The following CCSER1 variants were observed in gnomAD, a reference collection of about 807,000 sequenced individuals.
CCSER1 encodes the protein serine-rich coiled-coil domain-containing protein 1.
Under a neutral mutation model 82.0 loss-of-function variants are expected in CCSER1, and 41 were observed. The ratio of observed to expected loss-of-function variants is 0.50; its 90% CI spans 0.39 to 0.65. The LOEUF is 0.65. Ranked by LOEUF, CCSER1 falls within the 30% of genes least tolerant of loss-of-function variation. The pLI is 0.00. For missense variants in CCSER1, 1,119 were observed against 1,064.2 expected (o/e 1.05, Z -0.72); for synonymous variants, 414 against 383.9 (o/e 1.08, Z -0.92).
chr4:90,983,441 C>T (rs957466466), intron 9 of CCSER1, among the ~76,000 whole-genome samples: 1 of 151,566 alleles, frequency 6.6e-6, no homozygotes, highest in Admixed American at 6.6e-5. Flanking sequence ...TATGTGACCT[C>T]CAGGGCATCT....
intron 6 of CCSER1, among the ~76,000 whole-genome samples, chr4:90,651,549 G>A (rs893023648): frequency 6.6e-6 from 1 of 152,146 alleles, no homozygotes; most frequent in South Asian, 2.1e-4. Flanking sequence ...GGTGGTGGGG[G>A]ATAGGGGAGG....
At chr4:90,149,506 A>G (rs1726412954) in intron 1 of CCSER1, among the ~76,000 whole-genome samples, 3 of 152,176 alleles carry the variant, frequency 2.0e-5, no homozygotes, top group African/African-American at 7.2e-5. Flanking sequence ...TACTCAAATC[A>G]GGTGGACTAG....
At chr4:91,232,141 A>T (rs1316010802) in intron 10 of CCSER1, among the ~76,000 whole-genome samples, 1 of 151,884 alleles carries the variant, frequency 6.6e-6, no homozygotes, top group Non-Finnish European at 1.5e-5. Flanking sequence ...AAATTGCTAC[A>T]ACTTATACAG....
intron 10 of CCSER1, among the ~76,000 whole-genome samples, chr4:91,097,963 GC>G (rs779389953): frequency 6.6e-6 from 1 of 152,036 alleles, no homozygotes; most frequent in Non-Finnish European, 1.5e-5. Context: ...CATTTTCTTT[GC>G]TGAAAACCAT....
intron 5 of CCSER1, among the ~76,000 whole-genome samples, chr4:90,525,108 ATCATT>A (rs1332038684): frequency 6.6e-6 from 1 of 152,060 alleles, no homozygotes. Flanking sequence ...GATAGAATAA[ATCATT>A]TTTTTTAAAA....
intron 10 of CCSER1, among the ~76,000 whole-genome samples, chr4:91,117,077 C>A (rs988296548): frequency 3.9e-5 from 6 of 152,154 alleles, no homozygotes; most frequent in African/African-American, 1.4e-4. Context: ...CACCTAATGG[C>A]AGAATGTTTT....
At chr4:90,156,524 C>T (rs779867218) in intron 1 of CCSER1, among the ~76,000 whole-genome samples, 6 of 152,098 alleles carry the variant, frequency 3.9e-5, no homozygotes, top group Non-Finnish European at 7.4e-5. Flanking sequence ...CTTTGTAGGT[C>T]ACTGAGGACT....
intron 6 of CCSER1, among the ~76,000 whole-genome samples, chr4:90,675,528 A>G (rs181299839): frequency 1.4e-3 from 211 of 151,966 alleles, no homozygotes; most frequent in African/African-American, 4.6e-3. Context: ...ATGTTAGTGT[A>G]TATCTTATGG....
chr4:91,421,097 T>A (rs1438661202), intron 10 of CCSER1, among the ~76,000 whole-genome samples: 3 of 152,160 alleles, frequency 2.0e-5, no homozygotes, highest in Non-Finnish European at 4.4e-5. Flanking sequence ...AAACTGTCAA[T>A]TATTAGATGA....
At chr4:91,528,621 A>G (rs546107957) in intron 10 of CCSER1, among the ~76,000 whole-genome samples, 33 of 152,316 alleles carry the variant, frequency 2.2e-4, no homozygotes, top group African/African-American at 7.9e-4. Flanking sequence ...TAATGAGCAC[A>G]TATTAGAGAC....
chr4:90,166,757 AAG>A (rs1360006701), intron 1 of CCSER1, among the ~76,000 whole-genome samples: 4 of 152,002 alleles, frequency 2.6e-5, no homozygotes, highest in East Asian at 3.9e-4. Flanking sequence ...CAAATGTTAA[AAG>A]AGTTTCAAAT....
chr4:91,282,426 T>C (rs1475216295), intron 10 of CCSER1, among the ~76,000 whole-genome samples: 1 of 152,198 alleles, frequency 6.6e-6, no homozygotes, highest in Non-Finnish European at 1.5e-5. Flanking sequence ...CAACCTACAC[T>C]TGGGTCTGTA....
chr4:90,483,565 C>G (rs1185337438), intron 5 of CCSER1, among the ~76,000 whole-genome samples: 1 of 152,132 alleles, frequency 6.6e-6, no homozygotes, highest in African/African-American at 2.4e-5. Flanking sequence ...CAGGGCAGGC[C>G]TGGTGGTGAC....
intron 8 of CCSER1, among the ~76,000 whole-genome samples, chr4:90,879,568 G>C (rs1442940006): frequency 4.2e-5 from 5 of 119,010 alleles, no homozygotes; most frequent in African/African-American, 1.6e-4. Flanking sequence ...AGAAGAAGAA[G>C]AGGAAGAAGA....
intron 10 of CCSER1, among the ~76,000 whole-genome samples, chr4:91,351,566 C>T (rs1195306562): frequency 7.9e-5 from 12 of 151,832 alleles, no homozygotes; most frequent in East Asian, 5.8e-4. Flanking sequence ...TATACTGGGA[C>T]GAGAGTTATG....
chr4:90,168,813 C>G (rs1307612302), intron 1 of CCSER1, among the ~76,000 whole-genome samples: 1 of 130,374 alleles, frequency 7.7e-6, no homozygotes, highest in Non-Finnish European at 1.5e-5. Flanking sequence ...TCTGAGGGCT[C>G]CATTCTGTTG....
intron 4 of CCSER1, among the ~76,000 whole-genome samples, chr4:90,439,266 T>A (rs4692952): frequency 6.6e-6 from 1 of 152,136 alleles, no homozygotes; most frequent in African/African-American, 2.4e-5. Flanking sequence ...CTAGCCCGTG[T>A]GACAGAGCAA....
chr4:90,784,897 A>G (rs567842922), intron 7 of CCSER1, among the ~76,000 whole-genome samples: 9 of 152,326 alleles, frequency 5.9e-5, no homozygotes, highest in South Asian at 4.1e-4. Context: ...GAAAATATAT[A>G]CTATTCATTA....
chr4:91,142,742 T>C (rs1400961282), intron 10 of CCSER1, among the ~76,000 whole-genome samples: 1 of 152,182 alleles, frequency 6.6e-6, no homozygotes, highest in Non-Finnish European at 1.5e-5. Flanking sequence ...CGAGAGTCCT[T>C]TCCTTATAGT....
Sources: gnomAD v4.1 joint callset for allele counts (sites outside exome capture counted in the v4.1 genomes callset) on GRCh38, gnomAD v4.1.1 for gene constraint, MANE v1.5 for transcripts, NCBI Gene and HGNC (gene_info 2026-07-23, HGNC 2026-07-21) for gene names.